Variants in AUTS2 observed in about 807,000 individuals in gnomAD.
The protein encoded by AUTS2 is autism susceptibility gene 2 protein.
A neutral mutation model predicts 112.4 loss-of-function variants in AUTS2; 17 were observed. That is an observed-to-expected ratio of 0.15 (90% CI 0.10 to 0.23). The LOEUF is 0.23. AUTS2 is among the 10% of genes least tolerant of loss of function. The pLI is 1.00. For synonymous variants in AUTS2, 751 were observed against 702.7 expected (o/e 1.07, Z -1.09); for missense variants, 1,510 against 1,701.6 (o/e 0.89, Z 1.98).
At chr7:70,171,152 C>T (rs541331135) in intron 4 of AUTS2, among the ~76,000 whole-genome samples, 1 of 152,128 alleles carries the variant, frequency 6.6e-6, no homozygotes, top group Non-Finnish European at 1.5e-5. Context: ...GATAACTGAG[C>T]CTATTTCAAA....
Position 70,603,994 on chromosome 7 carries a change from G to A in AUTS2, c.691-94575G>A, listed in dbSNP as rs1479484917. On this transcript the variant is annotated intron_variant, in intron 5 of 18. Transcript: ENST00000342771. ...GGTGATTTTGTCTGGGTTTAAACCC[G>A]GGTCCCTCTAGCACAGTGCTTTAAA... Among the ~76,000 whole-genome samples the A allele has an allele frequency of 6.6e-5, 10 of 152,216 alleles. 1 individual carries two copies. Among genetic ancestry groups the A allele is most frequent in the Middle Eastern group, 3.4e-3 (1 of 292 alleles).
chr7:69,743,485 T>A (rs1426916035), intron 1 of AUTS2, among the ~76,000 whole-genome samples: 1 of 152,218 alleles, frequency 6.6e-6, no homozygotes, highest in Non-Finnish European at 1.5e-5. Context: ...ATGGGACATG[T>A]ATTTTTTTCA....
Position 70,765,010 on chromosome 7 carries a change from G to A in AUTS2, c.1468+5G>A, listed in dbSNP as rs1789837781. On this transcript the variant is annotated splice_donor_5th_base_variant and intron_variant, in intron 8 of 18. Transcript: ENST00000342771. ...CGGCCGGGAGCACTTACTCAGGTAG[G>A]ACGGAGGGGCCTGTGCTCGTGACCC... is the stretch of plus-strand genomic sequence containing the variant. 1.2e-6 allele frequency: 2 copies of A among 1,613,790 alleles called. No homozygotes were observed. The highest frequency in any genetic ancestry group is 1.7e-6 in the Non-Finnish European group (2 of 1,179,958).
intron 2 of AUTS2, among the ~76,000 whole-genome samples, chr7:70,002,656 C>T (rs1187299290): frequency 6.6e-6 from 1 of 152,132 alleles, no homozygotes; most frequent in Non-Finnish European, 1.5e-5. Context: ...TTTTAGACGA[C>T]ACTTACAGTG....
chr7:69,807,335 G>A (rs2129344649), intron 1 of AUTS2, among the ~76,000 whole-genome samples: 1 of 152,280 alleles, frequency 6.6e-6, no homozygotes, highest in East Asian at 1.9e-4. Flanking sequence ...TATTAGTTAT[G>A]TATGGGGTAC....
intron 1 of AUTS2, among the ~76,000 whole-genome samples, chr7:69,701,104 C>T (rs149730865): frequency 6.6e-6 from 1 of 152,220 alleles, no homozygotes; most frequent in African/African-American, 2.4e-5. Flanking sequence ...CTTTGTACCT[C>T]ACTCTCTCCC....
rs554364033 is a variant in AUTS2, at chr7:70,614,924, A to C, written c.691-83645A>C. On this transcript the variant is annotated intron_variant, in intron 5 of 18. Transcript: ENST00000342771. ...CCTGCACCAGCACCCCAGGCAGCCC[A>C]GCTCAGGATCACACACGCATTGTTC... Among the ~76,000 whole-genome samples, 14 of 152,346 alleles carry C rather than the reference A, an allele frequency of 9.2e-5. No individual in the cohort carries two copies. The South Asian group carries it at 2.9e-3, about 32-fold the overall frequency.
intron 5 of AUTS2, among the ~76,000 whole-genome samples, chr7:70,512,675 C>T (rs1799244730): frequency 2.0e-5 from 3 of 152,186 alleles, no homozygotes; most frequent in African/African-American, 7.2e-5. Context: ...GTTCTAGGCT[C>T]AGGAGCATGG....
At chr7:70,275,889 G>A (rs1584961162) in intron 4 of AUTS2, among the ~76,000 whole-genome samples, 1 of 152,132 alleles carries the variant, frequency 6.6e-6, no homozygotes, top group Non-Finnish European at 1.5e-5. Flanking sequence ...AGTCACTTAA[G>A]CCTCTTTCCT....
chr7:70,158,704 G>A (rs545948710), intron 4 of AUTS2, among the ~76,000 whole-genome samples: 7 of 152,126 alleles, frequency 4.6e-5, no homozygotes, highest in Admixed American at 3.9e-4. Context: ...TCTGGTGCAC[G>A]TGATCCATGC....
At chr7:70,620,996 A>G (rs1346178690) in intron 5 of AUTS2, among the ~76,000 whole-genome samples, 1 of 152,238 alleles carries the variant, frequency 6.6e-6, no homozygotes, top group Admixed American at 6.5e-5. Flanking sequence ...GCCTGAGCTC[A>G]GAGCGGGGAG....
At chr7:70,280,008 T>G (rs1476781698) in intron 4 of AUTS2, among the ~76,000 whole-genome samples, 2 of 152,230 alleles carry the variant, frequency 1.3e-5, no homozygotes, top group Non-Finnish European at 2.9e-5. Flanking sequence ...AAATTACAAC[T>G]GTAGTTGAAC....
chr7:70,036,031 A>G (rs1563055779), intron 2 of AUTS2, among the ~76,000 whole-genome samples: 1 of 152,240 alleles, frequency 6.6e-6, no homozygotes, highest in African/African-American at 2.4e-5. Flanking sequence ...AAAGAGCAGG[A>G]CAGACTGCTT....
intron 1 of AUTS2, among the ~76,000 whole-genome samples, chr7:69,663,715 G>A (rs561487426): frequency 6.6e-6 from 1 of 152,152 alleles, no homozygotes; most frequent in Non-Finnish European, 1.5e-5. Context: ...GAATCTAACA[G>A]CTTAGTATGC....
intron 17 of AUTS2, chr7:70,786,891 C>T (rs1791531928): frequency 7.1e-6 from 3 of 420,474 alleles, no homozygotes; most frequent in Non-Finnish European, 1.3e-5. Flanking sequence ...CTTCTGCATG[C>T]CTGGAACTTC....
intron 1 of AUTS2, among the ~76,000 whole-genome samples, chr7:69,743,456 T>A: frequency 6.6e-6 from 1 of 152,230 alleles, no homozygotes; most frequent in East Asian, 1.9e-4. Flanking sequence ...TATTCCTTAA[T>A]AACATTGTCA....
intron 2 of AUTS2, among the ~76,000 whole-genome samples, chr7:70,028,841 C>T (rs1800642269): frequency 6.6e-6 from 1 of 152,162 alleles, no homozygotes; most frequent in Non-Finnish European, 1.5e-5. Flanking sequence ...AGGAATATCC[C>T]TCAAGGCTCT....
At chr7:70,681,727 C>T (rs1023148504) in intron 5 of AUTS2, among the ~76,000 whole-genome samples, 7 of 152,036 alleles carry the variant, frequency 4.6e-5, no homozygotes, top group African/African-American at 1.7e-4. Flanking sequence ...ATCAACAGAC[C>T]TGCTGGTATT....
chr7:70,753,828 T>C (rs1017422054), intron 6 of AUTS2, among the ~76,000 whole-genome samples: 1 of 152,164 alleles, frequency 6.6e-6, no homozygotes, highest in Non-Finnish European at 1.5e-5. Context: ...GAGATTTTGT[T>C]TGAGGCAACA....
Sources: gnomAD v4.1 joint callset for allele counts (sites outside exome capture counted in the v4.1 genomes callset) on GRCh38, gnomAD v4.1.1 for gene constraint, MANE v1.5 for transcripts, NCBI Gene and HGNC (gene_info 2026-07-23, HGNC 2026-07-21) for gene names.